DNMT3A: variants seen among roughly 807,000 people sequenced by gnomAD.
DNMT3A encodes DNA (cytosine-5)-methyltransferase 3A.
In DNMT3A, 267 loss-of-function variants were observed where a neutral mutation model predicts 117.6. The ratio of observed to expected loss-of-function variants is 2.27; its 90% CI spans 2.05 to 2.51. DNMT3A has a LOEUF of 2.51. DNMT3A is among the 30% of genes most tolerant of loss of function. The probability of loss-of-function intolerance (pLI) is 0.00; values close to 1 mark genes in which losing one functional copy is unlikely to be tolerated. For synonymous variants in DNMT3A, 432 were observed against 474.8 expected, an observed-to-expected ratio of 0.91 and a Z score of 1.17; for missense variants, 1,029 against 1,260.2, an observed-to-expected ratio of 0.82 and a Z score of 2.78.
At chr2:25,329,368 G>C (rs1344102104) in intron 1 of DNMT3A, among the ~76,000 whole-genome samples, 1 of 152,152 alleles carries the variant, frequency 6.6e-6, no homozygotes, top group African/African-American at 2.4e-5. Flanking sequence ...TCTGAGTCAA[G>C]TGTTTAACAT....
intron 6 of DNMT3A, among the ~76,000 whole-genome samples, chr2:25,259,923 C>A (rs772803640): frequency 2.0e-5 from 3 of 152,220 alleles, no homozygotes; most frequent in Non-Finnish European, 2.9e-5. Context: ...ATTTAAATTC[C>A]TGTACCAAGT....
chr2:25,247,022 TC>T lies in DNMT3A; in HGVS notation c.1122+28del, dbSNP rs779973285. On this transcript the variant is annotated intron_variant, in intron 9 of 22. Transcript: ENST00000321117. The surrounding 1 kb of genome is among the most constrained non-coding windows in gnomAD (Gnocchi z 5.6). ...CAGGCCTCCTAGTGCTCTAGGCTCC[TC>T]CTCCGAGCTCCCAGCAGGGACACTC... 6 of 1,605,382 alleles carry T rather than the reference TC, an allele frequency of 3.7e-6. No homozygotes were observed. Among genetic ancestry groups the T allele is most frequent in the Non-Finnish European group, 5.1e-6 (6 of 1,175,604 alleles).
At chr2:25,290,733 G>C (rs1276028065) in intron 3 of DNMT3A, among the ~76,000 whole-genome samples, 1 of 151,782 alleles carries the variant, frequency 6.6e-6, no homozygotes, top group African/African-American at 2.4e-5. Context: ...CCTGGCACCT[G>C]GGGCAAGAAG....
chr2:25,265,214 C>T (rs2030198451), intron 6 of DNMT3A, among the ~76,000 whole-genome samples: 1 of 152,240 alleles, frequency 6.6e-6, no homozygotes, highest in African/African-American at 2.4e-5. Flanking sequence ...GGACCTGAGC[C>T]TCCTGGCAAA....
In DNMT3A at chr2:25,286,911, G is replaced by A. The variant is rs1329136269; in HGVS notation, c.178-4200C>T. ...CTTTCCCCTGTCTCCACAGCTTGTT[G>A]ACCTCTGGAGGGCAGAGACTTTGCT... On this transcript the variant is annotated intron_variant, in intron 3 of 22. Transcript: ENST00000321117. This position sits in a 1 kb window ranked among gnomAD's most constrained non-coding sequence, Gnocchi z 4.3. Among the ~76,000 whole-genome samples the A allele has an allele frequency of 1.3e-5, 2 of 152,168 alleles. No homozygotes were observed. Among genetic ancestry groups the A allele is most frequent in the African/African-American group, 4.8e-5 (2 of 41,430 alleles).
chr2:25,235,768 G>A lies in DNMT3A; in HGVS notation c.2536C>T (p.Gln846Ter), dbSNP rs781139634. 5 of 1,614,032 alleles carry A rather than the reference G, an allele frequency of 3.1e-6. No individual in the cohort carries two copies. Among genetic ancestry groups the A allele is most frequent in the Non-Finnish European group, 4.2e-6 (5 of 1,180,016 alleles). The change falls in exon 22 of 23, where the codon CAG (glutamine) becomes TAG (stop). Residue 846 changes from glutamine to a stop codon, truncating the protein, a stop_gained. Transcript: ENST00000321117. LOFTEE classifies it high-confidence loss of function. ...RSNSIKQGKD[Q>*]HFPVFMNEKE... ...TCATTCATGAAGACAGGAAAATGCT[G>A]GTCTTTGCCCTGCTTTATGGAGTTT...
chr2:25,342,102 C>T (rs1198458008), upstream of DNMT3A, among the ~76,000 whole-genome samples: 2 of 143,696 alleles, frequency 1.4e-5, no homozygotes, highest in Non-Finnish European at 3.1e-5. The surrounding 1 kb of genome is among the most constrained non-coding windows in gnomAD (Gnocchi z 5.9). Flanking sequence ...GCCCGCCGCT[C>T]GCCCCCCGCG....
rs774061816 is a variant in DNMT3A at position 25,337,496 on chromosome 2, C to T, written c.-178+4330G>A. Among the ~76,000 whole-genome samples the T allele has an allele frequency of 6.6e-6, 1 of 152,214 alleles. No homozygotes were observed. Among genetic ancestry groups the T allele is most frequent in the Non-Finnish European group, 1.5e-5 (1 of 68,038 alleles). On this transcript the variant is annotated intron_variant, in intron 1 of 22. Coordinates refer to ENST00000321117, the MANE Select transcript of DNMT3A (RefSeq NM_022552.5). This position sits in a 1 kb window ranked among gnomAD's most constrained non-coding sequence, Gnocchi z 5.0. ...CATGTTACAGGTGAGGAAACTGAGG[C>T]CCAGGGAATCGAGTTGTTGCCCAAG...
intron 4 of DNMT3A, among the ~76,000 whole-genome samples, chr2:25,280,734 T>C (rs1288746468): frequency 6.6e-6 from 1 of 152,210 alleles, no homozygotes; most frequent in Non-Finnish European, 1.5e-5. Context: ...CCCCAGTCCC[T>C]GGTATGGATC....
chr2:25,263,720 T>G (rs1331399652), intron 6 of DNMT3A, among the ~76,000 whole-genome samples: 13 of 152,112 alleles, frequency 8.5e-5, no homozygotes, highest in Admixed American at 8.5e-4. Flanking sequence ...TGGGAAAAAC[T>G]TTGAGGCACT....
Position 25,311,673 on chromosome 2 carries a change from C to A in DNMT3A, c.72+2240G>T, listed in dbSNP as rs755811514. ...GATAATAATAGCAATCGTAATCCCT[C>A]ATAATTGGACCAGACTTTGCTGTCT... is the stretch of plus-strand genomic sequence containing the variant. On this transcript the variant is annotated intron_variant, in intron 2 of 22. Transcript: ENST00000321117. This position sits in a 1 kb window ranked among gnomAD's most constrained non-coding sequence, Gnocchi z 5.2. Among the ~76,000 whole-genome samples the A allele has an allele frequency of 6.6e-6, 1 of 152,184 alleles. No individual in the cohort carries two copies. The highest frequency in any genetic ancestry group is 1.5e-5 in the Non-Finnish European group (1 of 68,038).
rs549856349 is a variant in DNMT3A, at chr2:25,234,212, T to C, written c.*67A>G. The C allele has an allele frequency of 1.5e-5, 23 of 1,552,040 alleles. No homozygotes were observed. In the African/African-American group the frequency reaches 1.8e-4, roughly 12 times the overall value. ...CCATCCTCATGTTCTTGGTGTTTTA[T>C]TATGTTTTGTGTTTTTTGTTTGTTT... is the stretch of plus-strand genomic sequence containing the variant. On this transcript the variant is annotated 3_prime_UTR_variant, in exon 23 of 23. Coordinates refer to ENST00000321117, the MANE Select transcript of DNMT3A (RefSeq NM_022552.5). This position sits in a 1 kb window ranked among gnomAD's most constrained non-coding sequence, Gnocchi z 4.5.
rs758929362 is a variant in DNMT3A, at chr2:25,252,153, C to T, written c.640-3901G>A. On this transcript the variant is annotated intron_variant, in intron 6 of 22. Transcript: ENST00000321117. This position sits in a 1 kb window ranked among gnomAD's most constrained non-coding sequence, Gnocchi z 5.5. Reference sequence around the variant, plus strand: ...GATCCTCCCACCGGCCCTGCCGCCTCCCCGCCCCCGGTCTCCCCGGGGCTC... The same window carrying T: ...GATCCTCCCACCGGCCCTGCCGCCTTCCCGCCCCCGGTCTCCCCGGGGCTC... 22 of 1,551,366 alleles carry T rather than the reference C, an allele frequency of 1.4e-5. No homozygotes were observed. The highest frequency in any genetic ancestry group is 1.8e-5 in the Non-Finnish European group (21 of 1,149,212).
At position 25,243,987 on chromosome 2, in the gene DNMT3A, G is replaced by A. The variant is rs1402620334; in HGVS notation, c.1852-5C>T. 7 of 1,554,696 alleles carry A rather than the reference G, an allele frequency of 4.5e-6. No individual in the cohort carries two copies. The Admixed American group carries it at 1.2e-4, about 26-fold the overall frequency. ...TGGGTAAACCTTTGGAGGGTCCTAA[G>A]CAGTGAGCACAACAGGTCAGATGCA... On this transcript the variant is annotated splice_polypyrimidine_tract_variant and splice_region_variant and intron_variant, in intron 15 of 22. Coordinates refer to ENST00000321117, the MANE Select transcript of DNMT3A (RefSeq NM_022552.5).
At chr2:25,261,628 A>G (rs981312389) in intron 6 of DNMT3A, among the ~76,000 whole-genome samples, 18 of 151,384 alleles carry the variant, frequency 1.2e-4, no homozygotes, top group African/African-American at 4.4e-4. Context: ...AAAACCATAA[A>G]TAAATAAAAT....
At chr2:25,319,513 G>A (rs373870691) in intron 1 of DNMT3A, among the ~76,000 whole-genome samples, 1 of 152,178 alleles carries the variant, frequency 6.6e-6, no homozygotes, top group South Asian at 2.1e-4. Context: ...ACAGGAAGAT[G>A]TCCTCTAATA....
At position 25,233,228 on chromosome 2, in the gene DNMT3A, C is replaced by G; in HGVS notation, c.*1051G>C. ...CGGGCCCGACCACCTCATCTAGCCCCCTTTTTGGCAGGGAGAACCTGGCTC... is the reference window on the plus strand; with the variant it reads ...CGGGCCCGACCACCTCATCTAGCCCGCTTTTTGGCAGGGAGAACCTGGCTC... On this transcript the variant is annotated 3_prime_UTR_variant, in exon 23 of 23. Transcript: ENST00000321117. The G allele has an allele frequency of 4.3e-6, 1 of 233,780 alleles. No homozygotes were observed. Among genetic ancestry groups the G allele is most frequent in the Non-Finnish European group, 8.5e-6 (1 of 118,034 alleles). The allele number at this position is 233,780 out of a possible 1,614,324, so 14.5% of individuals were successfully genotyped here. A position where few individuals can be genotyped will look rare whatever the true frequency, so the allele number is the denominator to read the frequency against.
At chr2:25,307,109 C>A (rs1361659504) in intron 2 of DNMT3A, among the ~76,000 whole-genome samples, 1 of 152,236 alleles carries the variant, frequency 6.6e-6, no homozygotes, top group African/African-American at 2.4e-5. Context: ...ATCATGATGA[C>A]AGAATGAGTC....
At chr2:25,335,624 C>T (rs537446348) in intron 1 of DNMT3A, among the ~76,000 whole-genome samples, 1 of 152,272 alleles carries the variant, frequency 6.6e-6, no homozygotes, top group South Asian at 2.1e-4. Context: ...TGCACTGAGC[C>T]CCCCTCCCCT....
Sources: allele counts gnomAD v4.1 joint callset (sites outside exome capture counted in the v4.1 genomes callset), GRCh38; gene constraint gnomAD v4.1.1; non-coding constraint Gnocchi (gnomAD v3.1); transcripts MANE v1.5; gene names NCBI Gene and HGNC (gene_info 2026-07-23, HGNC 2026-07-21).